The following ARHGAP26 variants were observed in gnomAD, a reference collection of about 807,000 sequenced individuals.
ARHGAP26 encodes the protein Rho GTPase activating protein 26.
Under a neutral mutation model 104.8 loss-of-function variants are expected in ARHGAP26, and 38 were observed. The ratio of observed to expected loss-of-function variants is 0.36; its 90% CI spans 0.28 to 0.48. ARHGAP26 has a LOEUF of 0.48. ARHGAP26 is among the 20% of genes least tolerant of loss of function. ARHGAP26 has a pLI of 0.99. For synonymous variants in ARHGAP26, 341 were observed against 340.0 expected (o/e 1.00, Z -0.03); for missense variants, 704 against 947.9 (o/e 0.74, Z 3.38).
chr5:143,123,964 AACACAC>A (rs34527854), intron 18 of ARHGAP26, among the ~76,000 whole-genome samples: 5 of 151,122 alleles, frequency 3.3e-5, no homozygotes, highest in African/African-American at 4.9e-5. Flanking sequence ...CTGTAATAGA[AACACAC>A]ACACACACAC....
rs189139675 is a variant in ARHGAP26 at position 143,163,716 on chromosome 5, G to T, written c.1988+16335G>T. On this transcript the variant is annotated intron_variant, in intron 20 of 22. Transcript: ENST00000645722. ...TCCATCCACCTCGGTCTCCCAAAGTGCTGGGATTACAGGCATGAGCCACCA... is the reference window on the plus strand; with the variant it reads ...TCCATCCACCTCGGTCTCCCAAAGTTCTGGGATTACAGGCATGAGCCACCA... Among the ~76,000 whole-genome samples, 256 of 152,240 alleles carry T rather than the reference G, an allele frequency of 1.7e-3. 2 individuals are homozygous for T. Among genetic ancestry groups the T allele is most frequent in the African/African-American group, 5.8e-3 (242 of 41,540 alleles).
intron 11 of ARHGAP26, among the ~76,000 whole-genome samples, chr5:142,941,457 C>T (rs1766343413): frequency 6.6e-6 from 1 of 152,138 alleles, no homozygotes; most frequent in Non-Finnish European, 1.5e-5. Context: ...TCCCCGTCTC[C>T]CATGCTCACC....
intron 10 of ARHGAP26, among the ~76,000 whole-genome samples, chr5:142,916,028 A>G (rs1450132192): frequency 6.6e-6 from 1 of 152,172 alleles, no homozygotes; most frequent in African/African-American, 2.4e-5. Context: ...TGGACCAGAG[A>G]GGCAGAGGAT....
chr5:142,990,835 GA>G (rs894896569), intron 11 of ARHGAP26, among the ~76,000 whole-genome samples: 1 of 152,128 alleles, frequency 6.6e-6, no homozygotes, highest in African/African-American at 2.4e-5. Context: ...CTTCATCTCA[GA>G]GGGGCATCTG....
chr5:143,019,784 A>G (rs556813360), intron 12 of ARHGAP26, among the ~76,000 whole-genome samples: 6 of 152,194 alleles, frequency 3.9e-5, no homozygotes, highest in Non-Finnish European at 8.8e-5. Context: ...TAGCTTGTTT[A>G]CAAGAATGCT....
At chr5:143,190,509 T>A (rs187234525) in intron 20 of ARHGAP26, among the ~76,000 whole-genome samples, 109 of 152,270 alleles carry the variant, frequency 7.2e-4, no homozygotes, top group African/African-American at 2.6e-3. Flanking sequence ...CCACCAAGAA[T>A]TTTATGATCA....
intron 11 of ARHGAP26, among the ~76,000 whole-genome samples, chr5:142,979,573 G>A (rs1252710894): frequency 6.6e-6 from 1 of 152,216 alleles, no homozygotes; most frequent in East Asian, 1.9e-4. Flanking sequence ...AATCCCTGCA[G>A]AAGAAAACAG....
chr5:142,910,267 G>A (rs907103982), intron 9 of ARHGAP26, among the ~76,000 whole-genome samples: 1 of 152,116 alleles, frequency 6.6e-6, no homozygotes, highest in Admixed American at 6.5e-5. Context: ...TACAGAGCTG[G>A]TGCTCAAACG....
At chr5:143,045,272 A>G (rs1008760658) in intron 14 of ARHGAP26, among the ~76,000 whole-genome samples, 5 of 152,246 alleles carry the variant, frequency 3.3e-5, no homozygotes, top group African/African-American at 9.6e-5. Context: ...CCAGGAGGAC[A>G]TTACAGACAG....
intron 11 of ARHGAP26, among the ~76,000 whole-genome samples, chr5:142,947,632 T>C (rs1224757778): frequency 6.6e-6 from 1 of 152,218 alleles, no homozygotes; most frequent in Non-Finnish European, 1.5e-5. Flanking sequence ...CACCTATTAC[T>C]CACTGAATTA....
At chr5:143,140,035 G>C (rs747211901) in intron 19 of ARHGAP26, among the ~76,000 whole-genome samples, 3 of 152,190 alleles carry the variant, frequency 2.0e-5, no homozygotes, top group Non-Finnish European at 4.4e-5. Flanking sequence ...TGGAACAGTG[G>C]TTCATAGACT....
chr5:142,924,685 A>T (rs534142566), intron 10 of ARHGAP26, among the ~76,000 whole-genome samples: 45 of 152,346 alleles, frequency 3.0e-4, no homozygotes, highest in Admixed American at 1.1e-3. Flanking sequence ...CTTTCCATGC[A>T]CAAAGGTCTT....
intron 11 of ARHGAP26, among the ~76,000 whole-genome samples, chr5:142,980,083 A>T (rs1293201763): frequency 6.6e-6 from 1 of 151,542 alleles, no homozygotes; most frequent in Non-Finnish European, 1.5e-5. Flanking sequence ...CCAGGTAACC[A>T]CTCTTCTGAC....
chr5:142,773,090 C>G (rs1755574269), intron 1 of ARHGAP26, among the ~76,000 whole-genome samples: 1 of 152,046 alleles, frequency 6.6e-6, no homozygotes, highest in South Asian at 2.1e-4. Flanking sequence ...CAGGTGACCT[C>G]TAAAAATAGA....
intron 11 of ARHGAP26, among the ~76,000 whole-genome samples, chr5:142,960,598 G>A (rs996014082): frequency 3.3e-5 from 5 of 152,186 alleles, no homozygotes; most frequent in African/African-American, 1.2e-4. Flanking sequence ...TGGCGTCTTG[G>A]GAGGTGTCTC....
At chr5:143,035,330 G>A (rs1360804520) in intron 12 of ARHGAP26, among the ~76,000 whole-genome samples, 3 of 152,146 alleles carry the variant, frequency 2.0e-5, no homozygotes, top group Non-Finnish European at 2.9e-5. Context: ...AAACTTTGGT[G>A]TATATATATG....
At chr5:143,211,592 T>C (rs1451994408) in intron 21 of ARHGAP26, among the ~76,000 whole-genome samples, 1 of 151,864 alleles carries the variant, frequency 6.6e-6, no homozygotes, top group Non-Finnish European at 1.5e-5. Context: ...TTTTTTTTTT[T>C]TGAGCCAGGG....
intron 3 of ARHGAP26, among the ~76,000 whole-genome samples, chr5:142,878,868 C>T (rs959405799): frequency 6.6e-6 from 1 of 152,122 alleles, no homozygotes; most frequent in Non-Finnish European, 1.5e-5. Flanking sequence ...TCAGGAGGCA[C>T]AGGTGTCCTG....
chr5:142,949,207 G>A (rs1303509153), intron 11 of ARHGAP26, among the ~76,000 whole-genome samples: 26 of 57,588 alleles, frequency 4.5e-4, no homozygotes, highest in Admixed American at 2.2e-3. Context: ...GAGAGAGAGA[G>A]AGAGAGAGAG....
Sources: allele counts gnomAD v4.1 joint callset (sites outside exome capture counted in the v4.1 genomes callset), GRCh38; gene constraint gnomAD v4.1.1; transcripts MANE v1.5; gene names NCBI Gene and HGNC (gene_info 2026-07-23, HGNC 2026-07-21).